The following ETV6 variants were observed in gnomAD, a reference collection of about 807,000 sequenced individuals.
The protein encoded by ETV6 is ETS variant transcription factor 6.
A neutral mutation model predicts 51.1 loss-of-function variants in ETV6; 16 were observed. The ratio of observed to expected loss-of-function variants is 0.31; its 90% confidence interval spans 0.21 to 0.48. ETV6 has a LOEUF of 0.48. Ranked by LOEUF, ETV6 falls within the 20% of genes least tolerant of loss-of-function variation. ETV6 has a pLI of 0.99. For synonymous variants in ETV6, 240 were observed against 224.1 expected, an observed-to-expected ratio of 1.07 and a Z score of -0.64; for missense variants, 458 against 594.8, an observed-to-expected ratio of 0.77 and a Z score of 2.39.
intron 1 of ETV6, among the ~76,000 whole-genome samples, chr12:11,662,735 A>T (rs543514546): frequency 6.6e-6 from 1 of 152,182 alleles, no homozygotes; most frequent in South Asian, 2.1e-4. Context: ...AAACCCAGTT[A>T]CTCTTCCTTT....
At chr12:11,839,419 A>G in intron 3 of ETV6, 115 bp downstream of exon 3, 1 of 1,065,052 alleles carries the variant, frequency 9.4e-7, no homozygotes, top group South Asian at 1.6e-5. Context: ...ATCACAAGGA[A>G]GGGATGACGA....
In ETV6 at chr12:11,893,794, T is replaced by TATATATATATATA. The variant is rs58787654; in HGVS notation, c.*2748_*2749insATATATATATATA. 1 of 78,902 alleles carries TATATATATATATA rather than the reference T, an allele frequency of 1.3e-5. No individual in the cohort carries two copies. Among genetic ancestry groups the TATATATATATATA allele is most frequent in the African/African-American group, 5.8e-5 (1 of 17,104 alleles). 4.9% of individuals were successfully genotyped at this position (78,902 alleles called of 1,614,324 possible). A position where few individuals can be genotyped will look rare whatever the true frequency, so the allele number is the denominator to read the frequency against. On this transcript the variant is annotated 3_prime_UTR_variant, in exon 8 of 8. Coordinates refer to ENST00000396373, the MANE Select transcript of ETV6 (RefSeq NM_001987.5). ...GTGTCCATCCCCAAGATCTCTCATT[T>TATATATATATATA]TATATATATATATATATATATATAT...
intron 3 of ETV6, among the ~76,000 whole-genome samples, chr12:11,839,980 A>G (rs190256638): frequency 1.1e-3 from 171 of 152,304 alleles, no homozygotes; most frequent in African/African-American, 4.0e-3. Flanking sequence ...CAAAGAGAGG[A>G]AGGAGAAGGA....
intron 5 of ETV6, 60 bp downstream of exon 5, chr12:11,870,029 C>G: frequency 1.3e-6 from 2 of 1,529,440 alleles, no homozygotes; most frequent in South Asian, 2.5e-5. Context: ...GTCCCACTCT[C>G]CCCTGTGATC....
chr12:11,668,514 G>A (rs1332776082), intron 1 of ETV6, among the ~76,000 whole-genome samples: 3 of 152,076 alleles, frequency 2.0e-5, no homozygotes, highest in Non-Finnish European at 4.4e-5. Context: ...TAGAGGAACA[G>A]CCTTTCAACT....
At chr12:11,798,064 A>G (rs1480050018) in intron 2 of ETV6, among the ~76,000 whole-genome samples, 1 of 152,222 alleles carries the variant, frequency 6.6e-6, no homozygotes, top group Non-Finnish European at 1.5e-5. Context: ...TCAACTATCT[A>G]TTATGTATCA....
chr12:11,782,686 C>T (rs1258729758), intron 2 of ETV6, among the ~76,000 whole-genome samples: 1 of 152,170 alleles, frequency 6.6e-6, no homozygotes, highest in Non-Finnish European at 1.5e-5. Flanking sequence ...CAGAGTGAGA[C>T]ACTCTTGCTT....
At chr12:11,817,106 G>A (rs1342638149) in intron 2 of ETV6, among the ~76,000 whole-genome samples, 3 of 152,132 alleles carry the variant, frequency 2.0e-5, no homozygotes, top group Non-Finnish European at 4.4e-5. Context: ...AGCACTCACT[G>A]GACTCAGGAT....
chr12:11,656,889 A>G (rs1340782797), intron 1 of ETV6, among the ~76,000 whole-genome samples: 1 of 151,916 alleles, frequency 6.6e-6, no homozygotes, highest in East Asian at 1.9e-4. Context: ...TTTTTCTTAA[A>G]CCATCTCTCA....
intron 2 of ETV6, among the ~76,000 whole-genome samples, chr12:11,772,726 A>G (rs527331212): frequency 1.6e-4 from 25 of 152,348 alleles, no homozygotes; most frequent in African/African-American, 5.8e-4. Flanking sequence ...AGAACAACTA[A>G]GAATGGTAAT....
At chr12:11,772,693 G>T (rs1344902385) in intron 2 of ETV6, among the ~76,000 whole-genome samples, 1 of 152,170 alleles carries the variant, frequency 6.6e-6, no homozygotes, top group African/African-American at 2.4e-5. Flanking sequence ...CAGAGCGTCT[G>T]TTCACCATTC....
chr12:11,855,160 GC>G (rs1946613355), intron 4 of ETV6, among the ~76,000 whole-genome samples: 1 of 142,356 alleles, frequency 7.0e-6, no homozygotes, highest in Non-Finnish European at 1.5e-5. Context: ...AAAAAAATTA[GC>G]CGGGCATGGT....
chr12:11,863,489 A>G (rs975648153), intron 4 of ETV6, among the ~76,000 whole-genome samples: 1 of 152,058 alleles, frequency 6.6e-6, no homozygotes, highest in Admixed American at 6.5e-5. Context: ...CTGTGCCCAC[A>G]TGGACTAATT....
intron 2 of ETV6, among the ~76,000 whole-genome samples, chr12:11,792,023 A>ATTC (rs1202597212): frequency 6.6e-6 from 1 of 152,246 alleles, no homozygotes; most frequent in Non-Finnish European, 1.5e-5. Context: ...AGACAGCAAG[A>ATTC]TGAAGCAAGG....
chr12:11,893,835 TATATATACAC>T lies in ETV6; in HGVS notation c.*2791_*2800del, dbSNP rs1416753694. The T allele has an allele frequency of 5.0e-3, 244 of 48,960 alleles. 8 individuals are homozygous for T. Among genetic ancestry groups the T allele is most frequent in the Non-Finnish European group, 8.1e-3 (194 of 23,868 alleles). The allele number at this position is 48,960 out of a possible 1,614,324, so 3.0% of individuals were successfully genotyped here. A position where few individuals can be genotyped will look rare whatever the true frequency, so the allele number is the denominator to read the frequency against. On this transcript the variant is annotated 3_prime_UTR_variant, in exon 8 of 8. Transcript: ENST00000396373. ...ATATATATATATATATATATATATATATATATACACACACACACACATACACAAATATTCC... is the reference window on the plus strand; with the variant it reads ...ATATATATATATATATATATATATATACACACACACATACACAAATATTCC...
chr12:11,780,740 C>A (rs1197016613), intron 2 of ETV6, among the ~76,000 whole-genome samples: 1 of 152,216 alleles, frequency 6.6e-6, no homozygotes, highest in African/African-American at 2.4e-5. Context: ...AGGTTATGTT[C>A]CAGGGAACAG....
intron 4 of ETV6, among the ~76,000 whole-genome samples, chr12:11,866,827 CA>C (rs1391031030): frequency 2.6e-5 from 4 of 152,236 alleles, no homozygotes; most frequent in Non-Finnish European, 5.9e-5. Context: ...ATTCGGTAAT[CA>C]GACAAGAATT....
At chr12:11,714,812 C>G (rs978244694) in intron 1 of ETV6, among the ~76,000 whole-genome samples, 3 of 152,026 alleles carry the variant, frequency 2.0e-5, no homozygotes, top group African/African-American at 7.2e-5. Flanking sequence ...ATGTGAGTGG[C>G]TGGAACACAA....
In ETV6 at chr12:11,851,086, C is replaced by G. The variant is rs181624317; in HGVS notation, c.329-2341C>G. Among the ~76,000 whole-genome samples, 581 of 152,296 alleles carry G rather than the reference C, an allele frequency of 3.8e-3. 2 individuals are homozygous for G. Among genetic ancestry groups the G allele is most frequent in the Non-Finnish European group, 6.7e-3 (455 of 68,004 alleles). The stretch of plus-strand genomic sequence containing the variant: ...TGGTGCACAGGAGTTGGGACTCCCA[C>G]CGAGGCAGCCGTGCCCACCTCTGCA... On this transcript the variant is annotated intron_variant, in intron 3 of 7. Coordinates refer to ENST00000396373, the MANE Select transcript of ETV6 (RefSeq NM_001987.5).
Sources: allele counts gnomAD v4.1 joint callset (sites outside exome capture counted in the v4.1 genomes callset), GRCh38; gene constraint gnomAD v4.1.1; transcripts MANE v1.5; gene names NCBI Gene and HGNC (gene_info 2026-07-23, HGNC 2026-07-21).